Variants in NEDD9 observed in about 807,000 individuals in gnomAD.
NEDD9 encodes the protein enhancer of filamentation 1.
In NEDD9, 26 loss-of-function variants were observed where a neutral mutation model predicts 76.6. The observed-to-expected ratio is 0.34, with a 90% CI of 0.25 to 0.47. The LOEUF (loss-of-function observed/expected upper bound fraction) is 0.47, where lower values mean the gene tolerates loss of function less well. NEDD9 is among the 20% of genes least tolerant of loss of function. NEDD9 has a pLI of 1.00. For missense variants in NEDD9, 937 were observed against 1,058.5 expected, an observed-to-expected ratio of 0.89 and a Z score of 1.59; for synonymous variants, 392 against 414.2, an observed-to-expected ratio of 0.95 and a Z score of 0.65.
intron 2 of NEDD9, among the ~76,000 whole-genome samples, chr6:11,333,213 A>G (rs931263861): frequency 3.3e-5 from 5 of 152,162 alleles, no homozygotes; most frequent in African/African-American, 1.2e-4. Context: ...GGTTCCATCC[A>G]TGAGATTAAA....
At chr6:11,330,319 A>G (rs893130699) in intron 2 of NEDD9, among the ~76,000 whole-genome samples, 8 of 152,170 alleles carry the variant, frequency 5.3e-5, no homozygotes, top group Non-Finnish European at 8.8e-5. Context: ...TGGGAGGGAG[A>G]AGACCTTTAA....
intron 3 of NEDD9, among the ~76,000 whole-genome samples, chr6:11,244,263 A>G (rs908609360): frequency 2.6e-5 from 4 of 151,358 alleles, no homozygotes; most frequent in Non-Finnish European, 5.9e-5. Context: ...TTCTCTTTAC[A>G]CACACACACA....
chr6:11,371,603 G>A (rs78592540), intron 1 of NEDD9, among the ~76,000 whole-genome samples: 10,132 of 152,202 alleles, frequency 0.067, 370 homozygotes, highest in Non-Finnish European at 0.067. Flanking sequence ...TTTTACAAAC[G>A]TATTTGTTCT....
intron 3 of NEDD9, among the ~76,000 whole-genome samples, chr6:11,247,678 C>A (rs577241544): frequency 2.4e-4 from 37 of 152,306 alleles, no homozygotes; most frequent in African/African-American, 8.4e-4. Context: ...TGACTTCATG[C>A]ATTTTTATTT....
chr6:11,320,090 C>T (rs1761754060), intron 2 of NEDD9, among the ~76,000 whole-genome samples: 1 of 152,216 alleles, frequency 6.6e-6, no homozygotes, highest in Non-Finnish European at 1.5e-5. Flanking sequence ...AGCACGGCTG[C>T]ACTCCTGCCT....
At chr6:11,271,438 G>A (rs1474617931) in intron 3 of NEDD9, 1 of 152,240 alleles carries the variant, frequency 6.6e-6, no homozygotes, top group Non-Finnish European at 1.5e-5. Flanking sequence ...AGAAAGATCT[G>A]GTAGCCTGGC....
At chr6:11,207,758 A>T (rs935386704) in intron 2 of NEDD9, among the ~76,000 whole-genome samples, 3 of 152,168 alleles carry the variant, frequency 2.0e-5, no homozygotes, top group African/African-American at 4.8e-5. Context: ...TGCAGAGAGG[A>T]AGCTTCATGA....
At chr6:11,280,468 T>A (rs1760512076) in intron 3 of NEDD9, among the ~76,000 whole-genome samples, 1 of 151,976 alleles carries the variant, frequency 6.6e-6, no homozygotes, top group Non-Finnish European at 1.5e-5. Context: ...GCCTGAGGAG[T>A]GGCTGGCCCC....
At chr6:11,313,976 A>C (rs984759763) in intron 2 of NEDD9, among the ~76,000 whole-genome samples, 6 of 152,224 alleles carry the variant, frequency 3.9e-5, no homozygotes, top group Non-Finnish European at 7.3e-5. Flanking sequence ...AACACACAGC[A>C]CAGATTTTTC....
rs116052229 is a variant in NEDD9, at chr6:11,374,730, G to C, written c.-214+7409C>G. ...TCAAGCAAAGTGATGGACCTTCATG[G>C]AACCCAATCTGCTGGTCTGGGGAAC... On this transcript the variant is annotated intron_variant, in intron 1 of 3. Transcript: ENST00000397378. Among the ~76,000 whole-genome samples, 166 of 152,250 alleles carry C rather than the reference G, an allele frequency of 1.1e-3. 2 individuals carry two copies. Among genetic ancestry groups the C allele is most frequent in the African/African-American group, 3.7e-3 (154 of 41,536 alleles).
chr6:11,246,468 G>A (rs961696522), intron 3 of NEDD9, among the ~76,000 whole-genome samples: 1 of 152,130 alleles, frequency 6.6e-6, no homozygotes, highest in Non-Finnish European at 1.5e-5. Context: ...TACCTGGCAG[G>A]GCAGTACGGC....
intron 3 of NEDD9, among the ~76,000 whole-genome samples, chr6:11,266,493 C>A (rs1305116494): frequency 6.6e-6 from 1 of 152,186 alleles, no homozygotes; most frequent in African/African-American, 2.4e-5. Context: ...CCATTATATA[C>A]ACAATTCCCT....
intron 1 of NEDD9, among the ~76,000 whole-genome samples, chr6:11,366,610 A>G (rs1402827830): frequency 2.0e-5 from 3 of 152,236 alleles, no homozygotes; most frequent in Non-Finnish European, 4.4e-5. Context: ...AAACCAAAAC[A>G]GAAACTGCCT....
chr6:11,238,733 G>T (rs968712177), intron 3 of NEDD9, among the ~76,000 whole-genome samples: 1 of 152,064 alleles, frequency 6.6e-6, no homozygotes, highest in Non-Finnish European at 1.5e-5. Flanking sequence ...CTGGACTCCC[G>T]TCACCTGTGG....
At chr6:11,350,192 C>T (rs1399388572) in intron 1 of NEDD9, among the ~76,000 whole-genome samples, 1 of 152,210 alleles carries the variant, frequency 6.6e-6, no homozygotes, top group African/African-American at 2.4e-5. Context: ...CCAATCTTTT[C>T]ATGTACATCC....
chr6:11,232,299 G>A (rs921197296), intron 1 of NEDD9, among the ~76,000 whole-genome samples: 3 of 152,188 alleles, frequency 2.0e-5, no homozygotes, highest in Non-Finnish European at 4.4e-5. Flanking sequence ...ATGGACTCGG[G>A]TGTACTGTGA....
At chr6:11,232,381 G>T in intron 1 of NEDD9, 123 bp downstream of exon 1, 1 of 1,229,830 alleles carries the variant, frequency 8.1e-7, no homozygotes. Context: ...CAGTGACCGA[G>T]ACTCATCTTA....
chr6:11,224,995 T>C (rs1221628859), intron 1 of NEDD9, among the ~76,000 whole-genome samples: 4 of 152,188 alleles, frequency 2.6e-5, no homozygotes, highest in Non-Finnish European at 5.9e-5. Flanking sequence ...AAATGCACAA[T>C]GCCTTAAGAA....
intron 2 of NEDD9, among the ~76,000 whole-genome samples, chr6:11,311,118 T>C (rs566456206): frequency 2.0e-5 from 3 of 151,776 alleles, no homozygotes; most frequent in Non-Finnish European, 3.0e-5. Flanking sequence ...CCTAGCTGAC[T>C]GAGTCCTTCA....
Sources: gnomAD v4.1 joint callset for allele counts (sites outside exome capture counted in the v4.1 genomes callset) on GRCh38, gnomAD v4.1.1 for gene constraint, MANE v1.5 for transcripts, NCBI Gene and HGNC (gene_info 2026-07-23, HGNC 2026-07-21) for gene names.